MTSS1: variants seen among roughly 807,000 people sequenced by gnomAD.
The protein encoded by MTSS1 is MTSS I-BAR domain containing 1.
MTSS1 carries 18 observed loss-of-function variants against 79.0 expected under a neutral mutation model. The ratio of observed to expected loss-of-function variants is 0.23; its 90% CI spans 0.16 to 0.34. MTSS1 has a LOEUF of 0.34. Ranked by LOEUF, MTSS1 falls within the 10% of genes least tolerant of loss-of-function variation. MTSS1 has a pLI of 1.00. For missense variants in MTSS1, 815 were observed against 986.2 expected (o/e 0.83, Z 2.33); for synonymous variants, 341 against 368.6 (o/e 0.93, Z 0.86).
intron 2 of MTSS1, among the ~76,000 whole-genome samples, chr8:124,700,491 T>C (rs1173052742): frequency 6.6e-6 from 1 of 152,174 alleles, no homozygotes; most frequent in African/African-American, 2.4e-5. Context: ...CCTGGCAGTG[T>C]GACTTTTCTC....
intron 3 of MTSS1, among the ~76,000 whole-genome samples, chr8:124,627,439 T>A (rs1422568410): frequency 4.6e-5 from 7 of 152,204 alleles, no homozygotes; most frequent in Non-Finnish European, 1.0e-4. Flanking sequence ...CTCACGCAGG[T>A]TAAGTTGCTG....
chr8:124,657,655 G>C (rs1044839118), intron 3 of MTSS1, among the ~76,000 whole-genome samples: 3 of 152,160 alleles, frequency 2.0e-5, no homozygotes, highest in Non-Finnish European at 2.9e-5. Context: ...TCATGGACAA[G>C]AGCACGTTCA....
intron 3 of MTSS1, among the ~76,000 whole-genome samples, chr8:124,606,739 C>G (rs1394681056): frequency 6.6e-6 from 1 of 151,928 alleles, no homozygotes; most frequent in East Asian, 1.9e-4. Context: ...AGATTCAAAC[C>G]GTGCTGTCGC....
intron 3 of MTSS1, among the ~76,000 whole-genome samples, chr8:124,663,577 G>C (rs1384802248): frequency 6.6e-6 from 1 of 151,938 alleles, no homozygotes; most frequent in Non-Finnish European, 1.5e-5. Context: ...ACTCTTTAAA[G>C]CAATAGATTC....
Position 124,726,505 on chromosome 8 carries a change from T to C in MTSS1, c.72+1379A>G, listed in dbSNP as rs181769190. 3.4e-3 allele frequency among the ~76,000 whole-genome samples: 519 copies of C among 152,286 alleles called. 1 individual carries two copies. The highest frequency in any genetic ancestry group is 6.3e-3 in the Non-Finnish European group (431 of 68,016). ...CAGATTATGCTATGCTAAGGACAAT[T>C]TGTGACAAAAGGCACGAGAGCTGTA... On this transcript the variant is annotated intron_variant, in intron 1 of 13. Coordinates refer to ENST00000518547, the MANE Select transcript of MTSS1 (RefSeq NM_014751.6).
chr8:124,697,194 C>T (rs758525744), intron 3 of MTSS1, among the ~76,000 whole-genome samples: 1 of 151,570 alleles, frequency 6.6e-6, no homozygotes, highest in Non-Finnish European at 1.5e-5. Flanking sequence ...ACATTATTAT[C>T]ACAGAGCCTC....
At position 124,704,131 on chromosome 8, in the gene MTSS1, G is replaced by A. The variant is rs1243827429; in HGVS notation, c.133C>T (p.Arg45Trp). The A allele has an allele frequency of 6.8e-6, 11 of 1,613,732 alleles. No individual in the cohort carries two copies. Among genetic ancestry groups the A allele is most frequent in the Admixed American group, 1.7e-5 (1 of 60,018 alleles). Reference sequence around the variant, plus strand: ...TGTAGAACATGTGCTTCTACTTACCGAAGCTGGGACTGCAGCTTTCCTGCT... The same window carrying A: ...TGTAGAACATGTGCTTCTACTTACCAAAGCTGGGACTGCAGCTTTCCTGCT... ...NKAGKLQSQLRTTVVAAAAFL... is the reference protein window; with the variant it reads ...NKAGKLQSQLWTTVVAAAAFL... The change falls in exon 2 of 14, where the codon CGG (arginine) becomes TGG (tryptophan). Residue 45 changes from arginine to tryptophan, a missense_variant and splice_region_variant. This residue lies in a region of MTSS1 where 225 missense variants were observed against 365.4 expected (regional missense o/e 0.62). Transcript: ENST00000518547.
chr8:124,700,781 GA>G (rs1206733589), intron 2 of MTSS1, among the ~76,000 whole-genome samples: 1 of 152,152 alleles, frequency 6.6e-6, no homozygotes, highest in Admixed American at 6.5e-5. Context: ...ACAAGCCCCA[GA>G]ACTAGAATTC....
chr8:124,697,149 G>A (rs1454883061), intron 3 of MTSS1, among the ~76,000 whole-genome samples: 1 of 151,784 alleles, frequency 6.6e-6, no homozygotes, highest in East Asian at 1.9e-4. Context: ...TCCATCTACA[G>A]GATCCATCCA....
At chr8:124,634,896 T>G (rs561127142) in intron 3 of MTSS1, among the ~76,000 whole-genome samples, 2 of 152,196 alleles carry the variant, frequency 1.3e-5, no homozygotes, top group East Asian at 3.9e-4. Context: ...CACATTGGAG[T>G]TTGGGAAGTG....
intron 6 of MTSS1, among the ~76,000 whole-genome samples, chr8:124,581,520 A>G (rs186674463): frequency 0.013 from 1,958 of 151,142 alleles, 49 homozygotes; most frequent in African/African-American, 0.046. Flanking sequence ...CAGTGGTGCA[A>G]TCTTGGCTCA....
chr8:124,643,333 A>G (rs1818402673), intron 3 of MTSS1, among the ~76,000 whole-genome samples: 1 of 152,176 alleles, frequency 6.6e-6, no homozygotes, highest in East Asian at 1.9e-4. Context: ...GAAATGGCCA[A>G]ATAAACAGTT....
rs534911369 is a variant in MTSS1 at position 124,610,723 on chromosome 8, C to T, written c.209-19488G>A. Reference sequence around the variant, plus strand: ...ATGGTAGGGAGCTTTCTTCAATCATCCCTGGAGTGAGGTGAACAGAGGTAC... The same window carrying T: ...ATGGTAGGGAGCTTTCTTCAATCATTCCTGGAGTGAGGTGAACAGAGGTAC... On this transcript the variant is annotated intron_variant, in intron 3 of 13. Transcript: ENST00000518547. Among the ~76,000 whole-genome samples, 44 of 152,254 alleles carry T rather than the reference C, an allele frequency of 2.9e-4. No individual in the cohort carries two copies. In the South Asian group the frequency reaches 7.1e-3, roughly 24 times the overall value.
At chr8:124,708,593 C>T (rs1477785592) in intron 1 of MTSS1, among the ~76,000 whole-genome samples, 3 of 152,150 alleles carry the variant, frequency 2.0e-5, no homozygotes, top group Non-Finnish European at 4.4e-5. Context: ...GAGTACTCAA[C>T]CCTGAGATGA....
At chr8:124,554,539 T>C (rs997242183) in intron 13 of MTSS1, among the ~76,000 whole-genome samples, 14 of 152,218 alleles carry the variant, frequency 9.2e-5, no homozygotes, top group Admixed American at 8.5e-4. Context: ...TGGTCAATTA[T>C]CATAGATATA....
chr8:124,586,931 C>T (rs1298576397), intron 5 of MTSS1, among the ~76,000 whole-genome samples: 4 of 152,214 alleles, frequency 2.6e-5, no homozygotes, highest in East Asian at 1.9e-4. Flanking sequence ...GACCTCTCTG[C>T]AAGACCTGCT....
At chr8:124,599,049 G>A (rs1833264079) in intron 3 of MTSS1, among the ~76,000 whole-genome samples, 1 of 152,202 alleles carries the variant, frequency 6.6e-6, no homozygotes, top group African/African-American at 2.4e-5. Context: ...CAAAACAGCA[G>A]CTGGAACCCT....
chr8:124,725,689 G>A (rs2135890758), intron 1 of MTSS1, among the ~76,000 whole-genome samples: 1 of 152,240 alleles, frequency 6.6e-6, no homozygotes, highest in South Asian at 2.1e-4. Context: ...TTTGTTGCTG[G>A]TGACTTCATG....
chr8:124,727,513 T>C lies in MTSS1; in HGVS notation c.72+371A>G, dbSNP rs1451039981. ...CGCCCCCACCCCGTGCCCGGAGGAATCAGGTGTCCTCCCGGGCATCCAGCC... is the reference window on the plus strand; with the variant it reads ...CGCCCCCACCCCGTGCCCGGAGGAACCAGGTGTCCTCCCGGGCATCCAGCC... On this transcript the variant is annotated intron_variant, in intron 1 of 13. Transcript: ENST00000518547. This position sits in a 1 kb window ranked among gnomAD's most constrained non-coding sequence, Gnocchi z 4.7. 2 of 464,306 alleles carry C rather than the reference T, an allele frequency of 4.3e-6. No homozygotes were observed. Among genetic ancestry groups the C allele is most frequent in the African/African-American group, 2.0e-5 (1 of 50,358 alleles). 28.8% of individuals were successfully genotyped at this position (464,306 alleles called of 1,614,324 possible).
Sources: allele counts gnomAD v4.1 joint callset (sites outside exome capture counted in the v4.1 genomes callset), GRCh38; gene constraint gnomAD v4.1.1; regional missense constraint gnomAD v4.1.1; non-coding constraint Gnocchi (gnomAD v3.1); transcripts MANE v1.5; gene names NCBI Gene and HGNC (gene_info 2026-07-23, HGNC 2026-07-21).